Variants in AKAP7 observed in about 807,000 individuals in gnomAD.
AKAP7 encodes the protein A kinase (PRKA) anchor protein 7.
Under a neutral mutation model 39.5 loss-of-function variants are expected in AKAP7, and 39 were observed. The observed-to-expected ratio is 0.99, with a 90% CI of 0.76 to 1.29. The LOEUF is 1.29. AKAP7 is among the 50% of genes most tolerant of loss of function. The pLI, the probability that AKAP7 is intolerant of heterozygous loss-of-function variation, is 0.00. For synonymous variants in AKAP7, 140 were observed against 139.1 expected (o/e 1.01, Z -0.05); for missense variants, 414 against 407.7 (o/e 1.02, Z -0.13).
At chr6:131,179,868 CAAAT>C (rs146955140) in intron 5 of AKAP7, among the ~76,000 whole-genome samples, 34,681 of 149,122 alleles carry the variant, frequency 0.23, 4,401 homozygotes, top group Middle Eastern at 0.29. Flanking sequence ...GACCCTGTCT[CAAAT>C]AAATAAATAA....
chr6:131,258,962 A>G (rs1813087440), intron 7 of AKAP7, among the ~76,000 whole-genome samples: 1 of 152,120 alleles, frequency 6.6e-6, no homozygotes, highest in African/African-American at 2.4e-5. Flanking sequence ...GAGCTCACCT[A>G]GTTACCTAGT....
chr6:131,252,951 C>G, intron 7 of AKAP7: 3 of 1,371,808 alleles, frequency 2.2e-6, no homozygotes, highest in Non-Finnish European at 3.1e-6. Context: ...CTAGAATGTT[C>G]CTCCTTGAAG....
At chr6:131,245,506 T>TC (rs1324044203) in intron 7 of AKAP7, among the ~76,000 whole-genome samples, 1 of 151,474 alleles carries the variant, frequency 6.6e-6, no homozygotes, top group African/African-American at 2.4e-5. Flanking sequence ...CAAAATGTAA[T>TC]ACTGGGTATG....
At chr6:131,236,022 G>GT (rs1811024558) in intron 7 of AKAP7, among the ~76,000 whole-genome samples, 1 of 152,152 alleles carries the variant, frequency 6.6e-6, no homozygotes, top group Non-Finnish European at 1.5e-5. Context: ...TTCTTCTAGG[G>GT]TTTTTATGGT....
intron 5 of AKAP7, among the ~76,000 whole-genome samples, chr6:131,191,845 GT>G (rs34409067): frequency 2.5e-3 from 336 of 135,326 alleles, no homozygotes; most frequent in African/African-American, 5.5e-3. Context: ...TCCTCGTGGT[GT>G]TTTTTTTTTT....
intron 4 of AKAP7, among the ~76,000 whole-genome samples, chr6:131,166,280 TCTCTGATG>T (rs1189771697): frequency 6.6e-6 from 1 of 151,996 alleles, no homozygotes; most frequent in Non-Finnish European, 1.5e-5. Context: ...AAAAAGAAGT[TCTCTGATG>T]CTCTTGAAAG....
intron 7 of AKAP7, among the ~76,000 whole-genome samples, chr6:131,222,908 C>A (rs950483706): frequency 6.6e-6 from 1 of 152,120 alleles, no homozygotes; most frequent in Non-Finnish European, 1.5e-5. Context: ...TCATTATTGT[C>A]TTATTTTAAG....
At chr6:131,212,173 T>G (rs75171397) in intron 6 of AKAP7, among the ~76,000 whole-genome samples, 16,085 of 152,300 alleles carry the variant, frequency 0.11, 1,183 homozygotes, top group Non-Finnish European at 0.15. Context: ...TGAATCATCC[T>G]AAGTCAGGGA....
chr6:131,162,026 C>T (rs1385827907), intron 3 of AKAP7, among the ~76,000 whole-genome samples: 1 of 152,180 alleles, frequency 6.6e-6, no homozygotes, highest in Non-Finnish European at 1.5e-5. Context: ...CGCTCATTTT[C>T]TGCTTCTCCC....
At chr6:131,150,877 C>T (rs927448611) in intron 2 of AKAP7, among the ~76,000 whole-genome samples, 1 of 152,078 alleles carries the variant, frequency 6.6e-6, no homozygotes, top group African/African-American at 2.4e-5. Context: ...CGTAACTAGC[C>T]TCAGTACATT....
chr6:131,183,404 A>G (rs537287054), intron 5 of AKAP7, among the ~76,000 whole-genome samples: 7 of 152,288 alleles, frequency 4.6e-5, no homozygotes, highest in South Asian at 2.1e-4. Context: ...AAGGCTCCCA[A>G]TTCAGTTCAG....
the AKAP7 span, among the ~76,000 whole-genome samples, chr6:131,129,465 A>G: frequency 2.0e-5 from 3 of 152,152 alleles, no homozygotes; most frequent in Non-Finnish European, 4.4e-5. Flanking sequence ...ATGTGTATGT[A>G]TATCTATGTC....
upstream of AKAP7, among the ~76,000 whole-genome samples, chr6:131,131,552 T>C (rs369090219): frequency 1.3e-5 from 2 of 151,832 alleles, no homozygotes; most frequent in Admixed American, 6.6e-5. Context: ...TGGATGCTTA[T>C]AAAAGTTTTA....
chr6:131,248,006 T>C (rs1418086504), intron 7 of AKAP7, among the ~76,000 whole-genome samples: 1 of 152,158 alleles, frequency 6.6e-6, no homozygotes, highest in Non-Finnish European at 1.5e-5. Context: ...GTAGGATTTA[T>C]TGCACGAACA....
At chr6:131,144,629 C>T (rs1439449955) in intron 1 of AKAP7, among the ~76,000 whole-genome samples, 1 of 152,052 alleles carries the variant, frequency 6.6e-6, no homozygotes, top group Non-Finnish European at 1.5e-5. Flanking sequence ...TACCTCCACC[C>T]AAGGTATATG....
At chr6:131,153,322 T>G (rs1317601073) in intron 2 of AKAP7, among the ~76,000 whole-genome samples, 1 of 152,198 alleles carries the variant, frequency 6.6e-6, no homozygotes, top group Admixed American at 6.5e-5. Flanking sequence ...CTGTGATGCC[T>G]AACAAAAGAA....
At chr6:131,184,568 G>T in intron 5 of AKAP7, 1 of 726,938 alleles carries the variant, frequency 1.4e-6, no homozygotes, top group Non-Finnish European at 2.5e-6. Flanking sequence ...ATCATCATGG[G>T]GGTGAAATGG....
chr6:131,246,094 AAT>A (rs57449798), intron 7 of AKAP7, among the ~76,000 whole-genome samples: 48,920 of 143,782 alleles, frequency 0.34, 8,780 homozygotes, highest in African/African-American at 0.49. Flanking sequence ...CAGAAGTCCA[AAT>A]ATATATATAT....
chr6:131,185,405 T>G, intron 5 of AKAP7: 1 of 512,696 alleles, frequency 2.0e-6, no homozygotes, highest in Non-Finnish European at 3.7e-6. Flanking sequence ...GAGGTGGGCA[T>G]TGTAATTGTG....
Sources: allele counts gnomAD v4.1 joint callset (sites outside exome capture counted in the v4.1 genomes callset), GRCh38; gene constraint gnomAD v4.1.1; transcripts MANE v1.5; gene names NCBI Gene and HGNC (gene_info 2026-07-23, HGNC 2026-07-21).